The following CDHR1 variants were observed in gnomAD, a reference collection of about 807,000 sequenced individuals.
The protein encoded by CDHR1 is cadherin-related family member 1.
Under a neutral mutation model 72.1 loss-of-function variants are expected in CDHR1, and 61 were observed. The ratio of observed to expected loss-of-function variants is 0.85; its 90% CI spans 0.69 to 1.05. The LOEUF is 1.05. Ranked by LOEUF, CDHR1 falls within the 50% of genes least tolerant of loss-of-function variation. CDHR1 has a pLI of 0.00. For missense variants in CDHR1, 1,186 were observed against 1,115.7 expected, an observed-to-expected ratio of 1.06 and a Z score of -0.90; for synonymous variants, 470 against 448.1, an observed-to-expected ratio of 1.05 and a Z score of -0.62.
In CDHR1 at chr10:84,213,364, T is replaced by C; in HGVS notation, c.2040+16T>C. 4 of 1,614,026 alleles carry C rather than the reference T, an allele frequency of 2.5e-6. No homozygotes were observed. Among genetic ancestry groups the C allele is most frequent in the Non-Finnish European group, 3.4e-6 (4 of 1,180,016 alleles). On this transcript the variant is annotated intron_variant, in intron 16 of 16. Coordinates refer to ENST00000623527, the MANE Select transcript of CDHR1 (RefSeq NM_033100.4). Reference sequence around the variant, plus strand: ...AGATGCTGAGGTGAGTACAAAGCCATGGTCAGGAAAAAGGGGTCAGCAGGC... The same window carrying C: ...AGATGCTGAGGTGAGTACAAAGCCACGGTCAGGAAAAAGGGGTCAGCAGGC...
intron 16 of CDHR1, 119 bp downstream of exon 16, chr10:84,213,467 T>C (rs1842374445): frequency 1.5e-6 from 2 of 1,349,964 alleles, no homozygotes; most frequent in Non-Finnish European, 2.1e-6. Flanking sequence ...CTCAACGTTA[T>C]CAAAGGCAGC....
At chr10:84,196,011 C>T (rs921514106) in intron 2 of CDHR1, among the ~76,000 whole-genome samples, 1 of 152,196 alleles carries the variant, frequency 6.6e-6, no homozygotes, top group African/African-American at 2.4e-5. Flanking sequence ...TAGTGGGAAC[C>T]CGGGGAAAAG....
intron 4 of CDHR1, 32 bp downstream of exon 4, chr10:84,197,868 C>T (rs537943056): frequency 6.2e-7 from 1 of 1,606,754 alleles, no homozygotes; most frequent in African/African-American, 1.3e-5. Flanking sequence ...TCCCTGGCAG[C>T]CTGCAGTATT....
chr10:84,211,687 T>C lies in CDHR1; in HGVS notation c.1525T>C (p.Tyr509His). The C allele has an allele frequency of 6.2e-7, 1 of 1,613,966 alleles. No individual in the cohort carries two copies. The highest frequency in any genetic ancestry group is 8.5e-7 in the Non-Finnish European group (1 of 1,179,972). ...TACAGGACCCTGGGGCGAAGTGAAA[T>C]ATTCCACCTATGGGACTGGGGCAGA... The part of the protein sequence containing the change: ...PDTGPWGEVK[Y>H]STYGTGADLF... The change falls in exon 14 of 17, where the codon TAT becomes CAT. Residue 509 changes from tyrosine (Y) to histidine (H), a missense_variant. Coordinates refer to ENST00000623527, the MANE Select transcript of CDHR1 (RefSeq NM_033100.4).
At chr10:84,197,557 A>C (rs2132790384) in intron 3 of CDHR1, among the ~76,000 whole-genome samples, 1 of 152,270 alleles carries the variant, frequency 6.6e-6, no homozygotes, top group East Asian at 1.9e-4. Flanking sequence ...CTCTGAGTTT[A>C]TAAGAACCCC....
chr10:84,217,285 G>T lies in CDHR1; in HGVS notation c.*2664G>T, dbSNP rs1353403203. The T allele has an allele frequency of 7.1e-6, 7 of 985,390 alleles. No homozygotes were observed. Among genetic ancestry groups the T allele is most frequent in the African/African-American group, 1.7e-5 (1 of 57,260 alleles). The allele number at this position is 985,390 out of a possible 1,614,324, so 61.0% of individuals were successfully genotyped here. A position where few individuals can be genotyped will look rare whatever the true frequency, so the allele number is the denominator to read the frequency against. The stretch of plus-strand genomic sequence containing the variant: ...AGGGAAAGAGCTGGGAGGCAGGAAT[G>T]GCACACTGGGCAGGCTTGCCCATTC... On this transcript the variant is annotated 3_prime_UTR_variant, in exon 17 of 17. Coordinates refer to ENST00000623527, the MANE Select transcript of CDHR1 (RefSeq NM_033100.4).
At position 84,215,845 on chromosome 10, in the gene CDHR1, T is replaced by G; in HGVS notation, c.*1224T>G. ...GCCGTGACTCACACACCTCTACTTC[T>G]GTTCTTCCCTCACTCCATCCCCGCT... On this transcript the variant is annotated 3_prime_UTR_variant, in exon 17 of 17. Coordinates refer to ENST00000623527, the MANE Select transcript of CDHR1 (RefSeq NM_033100.4). 2.0e-6 allele frequency: 2 copies of G among 985,548 alleles called. No homozygotes were observed. The highest frequency in any genetic ancestry group is 1.2e-6 in the Non-Finnish European group (1 of 830,024). The allele number at this position is 985,548 out of a possible 1,614,324, so 61.1% of individuals were successfully genotyped here.
At chr10:84,202,193 C>G (rs1275293794) in intron 7 of CDHR1, among the ~76,000 whole-genome samples, 2 of 152,086 alleles carry the variant, frequency 1.3e-5, no homozygotes, top group Admixed American at 1.3e-4. Context: ...GAATGGCATC[C>G]CCCTCAGATC....
intron 9 of CDHR1, 54 bp downstream of exon 9, chr10:84,204,659 C>T: frequency 8.3e-7 from 1 of 1,208,436 alleles, no homozygotes; most frequent in Non-Finnish European, 1.2e-6. Flanking sequence ...GTGACCAGAG[C>T]AAGGTTCCTC....
At chr10:84,218,739 T>G, downstream of CDHR1, 2 of 1,000,828 alleles carry the variant, frequency 2.0e-6, no homozygotes, top group Non-Finnish European at 1.2e-6. Flanking sequence ...AAACAGAACA[T>G]GTGAAGGATA....
chr10:84,208,733 C>T lies in CDHR1; in HGVS notation c.1172C>T (p.Ala391Val). ...TCCACTCTCCAAATTCTCTAGGGAG[C>T]CAATGCCAAATTCAACTTGCAGCTG... ...KITVNDSDQGANAKFNLQLVG... is the reference protein window; with the variant it reads ...KITVNDSDQGVNAKFNLQLVG... The change falls in exon 12 of 17, where the codon GCC (alanine) becomes GTC (valine). Residue 391 changes from alanine to valine, a missense_variant. Physicochemically the swap from Ala to Val is moderately conservative, Grantham distance 64. Coordinates refer to ENST00000623527, the MANE Select transcript of CDHR1 (RefSeq NM_033100.4). 5 of 1,614,030 alleles carry T rather than the reference C, an allele frequency of 3.1e-6. No individual in the cohort carries two copies. The highest frequency in any genetic ancestry group is 3.4e-6 in the Non-Finnish European group (4 of 1,179,872).
Position 84,214,926 on chromosome 10 carries a change from C to G in CDHR1, c.*305C>G, listed in dbSNP as rs41291360. On this transcript the variant is annotated 3_prime_UTR_variant, in exon 17 of 17. Transcript: ENST00000623527. ...TCCATTCTTCAGGGCTGAGAATTGA[C>G]GAGAAGCCAGCTCACCCATCCCAGA... The G allele has an allele frequency of 3.1e-6, 4 of 1,310,436 alleles. No homozygotes were observed. The highest frequency in any genetic ancestry group is 1.6e-5 in the South Asian group (1 of 61,214). The allele number at this position is 1,310,436 out of a possible 1,614,324, so 81.2% of individuals were successfully genotyped here. A position where few individuals can be genotyped will look rare whatever the true frequency, so the allele number is the denominator to read the frequency against.
At chr10:84,207,743 C>T (rs1304457026) in intron 10 of CDHR1, among the ~76,000 whole-genome samples, 1 of 152,190 alleles carries the variant, frequency 6.6e-6, no homozygotes, top group Non-Finnish European at 1.5e-5. Context: ...GTCTCCAGGT[C>T]CCTCACATGG....
rs964230569 is a variant in CDHR1 at position 84,216,204 on chromosome 10, T to C, written c.*1583T>C. The C allele has an allele frequency of 2.0e-6, 2 of 985,318 alleles. No homozygotes were observed. The highest frequency in any genetic ancestry group is 5.2e-4 in the Middle Eastern group (1 of 1,936). 61.0% of individuals were successfully genotyped at this position (985,318 alleles called of 1,614,324 possible). ...TTACTAACAACCCCTCTAGAATACA[T>C]TGGTGATTTCATTTAAAGAGATTGT... On this transcript the variant is annotated 3_prime_UTR_variant, in exon 17 of 17. Coordinates refer to ENST00000623527, the MANE Select transcript of CDHR1 (RefSeq NM_033100.4).
Position 84,212,339 on chromosome 10 carries a change from C to T in CDHR1, c.1714C>T (p.His572Tyr), listed in dbSNP as rs1050570042. The T allele has an allele frequency of 6.2e-7, 1 of 1,614,160 alleles. No individual in the cohort carries two copies. The highest frequency in any genetic ancestry group is 1.3e-5 in the African/African-American group (1 of 75,026). ...VFITLLDVND[H>Y]PPQFGKSVQK... ...TATCACACTGCTGGATGTCAATGAC[C>T]ACCCCCCTCAGTTTGGAAAGAGCGT... The change falls in exon 15 of 17, where the codon CAC becomes TAC. Residue 572 changes from histidine to tyrosine, a missense_variant. Transcript: ENST00000623527.
chr10:84,212,278 G>A lies in CDHR1; in HGVS notation c.1653G>A (p.Glu551=), dbSNP rs1197347850. The A allele has an allele frequency of 2.5e-6, 4 of 1,614,216 alleles. No individual in the cohort carries two copies. Among genetic ancestry groups the A allele is most frequent in the South Asian group, 1.1e-5 (1 of 91,086 alleles). Residue 551 remains glutamate (E), a synonymous_variant, in exon 15 of 17, where the codon GAG becomes GAA. Coordinates refer to ENST00000623527, the MANE Select transcript of CDHR1 (RefSeq NM_033100.4). ...GGTACAACTTCTATGTGAAGGCAGAGGACATGGAAGGCAAGTACAGCGTAG... is the reference window on the plus strand; with the variant it reads ...GGTACAACTTCTATGTGAAGGCAGAAGACATGGAAGGCAAGTACAGCGTAG... ...TARYNFYVKA[E]DMEGKYSVAE...
chr10:84,208,872 A>G lies in CDHR1; in HGVS notation c.1311A>G (p.Leu437=). ...TTGACTTTGAAAAGTCCAAAGTATT[A>G]ACCTTCAAGGTAGGTGGTGCCCTGA... is the stretch of plus-strand genomic sequence containing the variant. ...AAIDFEKSKV[L]TFKLLAVEVN... Residue 437 remains leucine, a synonymous_variant, in exon 12 of 17, where the codon TTA becomes TTG. Transcript: ENST00000623527. 6.2e-7 allele frequency: 1 copy of G among 1,613,910 alleles called. No individual in the cohort carries two copies. Among genetic ancestry groups the G allele is most frequent in the Non-Finnish European group, 8.5e-7 (1 of 1,179,890 alleles).
At position 84,203,081 on chromosome 10, in the gene CDHR1, G is replaced by A. The variant is rs761881553; in HGVS notation, c.741G>A (p.Val247=). The change falls in exon 8 of 17, where the codon GTG becomes GTA. Residue 247 remains valine (V), a synonymous_variant. Coordinates refer to ENST00000623527, the MANE Select transcript of CDHR1 (RefSeq NM_033100.4). ...EDVQDMAPVF[V]GTPYYGYVYE... ...TTCAGGACATGGCCCCTGTCTTCGT[G>A]GGCACACCCTACTATGGCTATGTGT... 8 of 1,614,074 alleles carry A rather than the reference G, an allele frequency of 5.0e-6. No individual in the cohort carries two copies. The African/African-American group carries it at 1.1e-4, about 22-fold the overall frequency.
Position 84,212,350 on chromosome 10 carries a change from G to T in CDHR1, c.1725G>T (p.Gln575His), listed in dbSNP as rs776577785. 3.1e-6 allele frequency: 5 copies of T among 1,614,210 alleles called. No individual in the cohort carries two copies. The South Asian group carries it at 3.3e-5, about 11-fold the overall frequency. The change falls in exon 15 of 17, where the codon CAG (glutamine) becomes CAT (histidine). Residue 575 changes from glutamine (Q) to histidine (H), a missense_variant. Physicochemically the swap from Gln to His is conservative, Grantham distance 24. Transcript: ENST00000623527. Reference sequence around the variant, plus strand: ...TGGATGTCAATGACCACCCCCCTCAGTTTGGAAAGAGCGTTCAGAAGAAGA... The same window carrying T: ...TGGATGTCAATGACCACCCCCCTCATTTTGGAAAGAGCGTTCAGAAGAAGA... ...TLLDVNDHPP[Q>H]FGKSVQKKTM...
Sources: allele counts gnomAD v4.1 joint callset (sites outside exome capture counted in the v4.1 genomes callset), GRCh38; gene constraint gnomAD v4.1.1; transcripts MANE v1.5; gene names NCBI Gene and HGNC (gene_info 2026-07-23, HGNC 2026-07-21).